The following LRRK2 variants were observed in gnomAD, a reference collection of about 807,000 sequenced individuals.
LRRK2 encodes leucine rich repeat kinase 2, also known as leucine-rich repeat serine/threonine-protein kinase 2.
A neutral mutation model predicts 302.6 loss-of-function variants in LRRK2; 203 were observed. The observed-to-expected ratio is 0.67, with a 90% confidence interval of 0.60 to 0.75. The LOEUF (loss-of-function observed/expected upper bound fraction) is 0.75. Among genes scored for constraint, LRRK2 ranks in the 30% least tolerant of loss-of-function variants. The pLI, the probability that LRRK2 is intolerant of heterozygous loss-of-function variation, is 0.00. For missense variants in LRRK2, 2,830 were observed against 2,951.0 expected (o/e 0.96, Z 0.95); for synonymous variants, 1,066 against 1,031.9 (o/e 1.03, Z -0.63).
At chr12:40,251,683 G>C in intron 10 of LRRK2, 139 bp downstream of exon 10, 1 of 720,080 alleles carries the variant, frequency 1.4e-6, no homozygotes, top group Middle Eastern at 3.9e-4. Flanking sequence ...CTGCAAAATA[G>C]TAGTAGGTAT....
At chr12:40,316,820 A>C (rs1173122713) in intron 33 of LRRK2, among the ~76,000 whole-genome samples, 1 of 152,090 alleles carries the variant, frequency 6.6e-6, no homozygotes, top group Non-Finnish European at 1.5e-5. Context: ...ATGTGTAGGT[A>C]GCTGCATCCT....
At chr12:40,300,165 A>C (rs1238997391) in intron 25 of LRRK2, among the ~76,000 whole-genome samples, 1 of 152,186 alleles carries the variant, frequency 6.6e-6, no homozygotes, top group Non-Finnish European at 1.5e-5. Context: ...TAATCATTTA[A>C]TGGTTTTCAA....
At chr12:40,244,948 A>C (rs1941911292) in intron 7 of LRRK2, among the ~76,000 whole-genome samples, 1 of 149,502 alleles carries the variant, frequency 6.7e-6, no homozygotes. Flanking sequence ...GTCATTGTCT[A>C]TTTGAAGTTT....
In LRRK2 at chr12:40,356,799, G is replaced by A. The variant is rs75287261; in HGVS notation, c.6843+612G>A. Among the ~76,000 whole-genome samples the A allele has an allele frequency of 7.0e-3, 1,060 of 152,164 alleles. 4 individuals are homozygous for A. Among genetic ancestry groups the A allele is most frequent in the Non-Finnish European group, 9.7e-3 (659 of 67,994 alleles). ...AGATTGAATGTAACAATAATATTTC[G>A]AATATGACCTAAATTTTTTTATGTA... On this transcript the variant is annotated intron_variant, in intron 46 of 50. Transcript: ENST00000298910.
intron 24 of LRRK2, 148 bp downstream of exon 24, chr12:40,298,641 G>T (rs1944472975): frequency 2.0e-6 from 2 of 991,126 alleles, no homozygotes; most frequent in Non-Finnish European, 3.0e-6. Context: ...GCGTGGTGGT[G>T]CGCACCTTAT....
At chr12:40,236,922 ATG>A (rs909519509) in intron 4 of LRRK2, among the ~76,000 whole-genome samples, 1 of 152,080 alleles carries the variant, frequency 6.6e-6, no homozygotes, top group Admixed American at 6.6e-5. Flanking sequence ...GTTTATTAAT[ATG>A]AAAAATCTAC....
intron 2 of LRRK2, among the ~76,000 whole-genome samples, chr12:40,227,031 T>A (rs1351036376): frequency 3.9e-5 from 6 of 152,172 alleles, no homozygotes; most frequent in Non-Finnish European, 7.3e-5. Context: ...TGGAACATAC[T>A]TCCTAATTCT....
chr12:40,316,938 G>A (rs1298746256), intron 33 of LRRK2, among the ~76,000 whole-genome samples: 7 of 152,050 alleles, frequency 4.6e-5, no homozygotes, highest in African/African-American at 1.4e-4. Context: ...AAAAGCTAAA[G>A]TTGCTCTCTA....
At chr12:40,325,820 T>A (rs1396881097) in intron 38 of LRRK2, among the ~76,000 whole-genome samples, 1 of 152,224 alleles carries the variant, frequency 6.6e-6, no homozygotes, top group African/African-American at 2.4e-5. Context: ...TATTATGCAG[T>A]GAGTAATACG....
chr12:40,293,296 A>T (rs1944234771), intron 20 of LRRK2, among the ~76,000 whole-genome samples: 1 of 151,986 alleles, frequency 6.6e-6, no homozygotes, highest in Non-Finnish European at 1.5e-5. Context: ...GTGCTTACCC[A>T]GTGTCTAGTC....
intron 18 of LRRK2, among the ~76,000 whole-genome samples, chr12:40,281,068 A>C (rs1943674539): frequency 4.3e-5 from 1 of 23,486 alleles, no homozygotes; most frequent in Non-Finnish European, 1.0e-4. Flanking sequence ...ACTCCGTCTC[A>C]AAAAAAAAAA....
chr12:40,363,645 C>G (rs931993404), intron 48 of LRRK2, 91 bp downstream of exon 48: 3 of 1,403,776 alleles, frequency 2.1e-6, no homozygotes, highest in Non-Finnish European at 2.0e-6. Context: ...CTTTCTGCCT[C>G]TGAATAGAGA....
intron 41 of LRRK2, among the ~76,000 whole-genome samples, chr12:40,346,488 A>G (rs962482094): frequency 2.0e-5 from 3 of 152,214 alleles, no homozygotes; most frequent in African/African-American, 7.2e-5. Flanking sequence ...TTATCATTCA[A>G]GGTAATTTTA....
intron 19 of LRRK2, chr12:40,286,522 T>C (rs934176733): frequency 6.6e-6 from 1 of 151,900 alleles, no homozygotes; most frequent in Non-Finnish European, 1.5e-5. Flanking sequence ...TTTTAGCTGA[T>C]TATCTACACT....
At chr12:40,357,146 G>A (rs1332929377) in intron 46 of LRRK2, among the ~76,000 whole-genome samples, 1 of 152,012 alleles carries the variant, frequency 6.6e-6, no homozygotes, top group Non-Finnish European at 1.5e-5. Context: ...ACCTCCATGA[G>A]ATCAACTTTT....
rs2136642329 is a variant in LRRK2, at chr12:40,281,129, C to G, written c.2242-2746C>G. Among the ~76,000 whole-genome samples the G allele has an allele frequency of 1.3e-5, 2 of 151,510 alleles. 1 individual carries two copies. The highest frequency in any genetic ancestry group is 4.2e-4 in the South Asian group (2 of 4,776). ...ACCAACAAAACAAACAAACAAAAAA[C>G]CAACAAAACCAAACACTTCTATCAT... On this transcript the variant is annotated intron_variant, in intron 18 of 50. Coordinates refer to ENST00000298910, the MANE Select transcript of LRRK2 (RefSeq NM_198578.4).
chr12:40,239,639 C>T (rs940455636), intron 5 of LRRK2, among the ~76,000 whole-genome samples: 1 of 152,014 alleles, frequency 6.6e-6, no homozygotes, highest in East Asian at 1.9e-4. Flanking sequence ...ATCAGGTTCT[C>T]CAGGACTCAG....
chr12:40,348,715 T>C (rs974258648), intron 43 of LRRK2, among the ~76,000 whole-genome samples: 20 of 152,150 alleles, frequency 1.3e-4, no homozygotes, highest in Admixed American at 6.5e-5. Context: ...CATATGCCTG[T>C]CTCCTCTTCT....
chr12:40,339,140 C>G (rs1234511215), intron 40 of LRRK2, among the ~76,000 whole-genome samples: 1 of 152,170 alleles, frequency 6.6e-6, no homozygotes, highest in African/African-American at 2.4e-5. Flanking sequence ...TGCTCTGCTT[C>G]TAATCCTTCC....
Sources: allele counts gnomAD v4.1 joint callset (sites outside exome capture counted in the v4.1 genomes callset), GRCh38; gene constraint gnomAD v4.1.1; transcripts MANE v1.5; gene names NCBI Gene and HGNC (gene_info 2026-07-23, HGNC 2026-07-21).